Variants in IPO9 observed in about 807,000 individuals in gnomAD.
IPO9 encodes importin 9.
IPO9 carries 28 observed loss-of-function variants against 128.6 expected under a neutral mutation model. That is an observed-to-expected ratio of 0.22 (90% CI 0.16 to 0.30). IPO9 has a LOEUF of 0.30. Ranked by LOEUF, IPO9 falls within the 10% of genes least tolerant of loss-of-function variation. IPO9 has a pLI of 1.00. For synonymous variants in IPO9, 455 were observed against 475.8 expected (o/e 0.96, Z 0.57); for missense variants, 935 against 1,293.9 (o/e 0.72, Z 4.26).
At chr1:201,841,925 C>T (rs1680042915) in intron 1 of IPO9, among the ~76,000 whole-genome samples, 1 of 152,202 alleles carries the variant, frequency 6.6e-6, no homozygotes, top group African/African-American at 2.4e-5. Flanking sequence ...CTACAACAGT[C>T]AACACAGAAG....
chr1:201,853,533 A>G (rs755819892), intron 6 of IPO9, among the ~76,000 whole-genome samples: 9 of 148,496 alleles, frequency 6.1e-5, no homozygotes, highest in Non-Finnish European at 1.0e-4. Flanking sequence ...ACACTCAGCT[A>G]TATTTGTATT....
At chr1:201,866,110 C>T (rs2102886102) in intron 14 of IPO9, among the ~76,000 whole-genome samples, 1 of 152,270 alleles carries the variant, frequency 6.6e-6, no homozygotes, top group South Asian at 2.1e-4. Flanking sequence ...CCTGAAGTCT[C>T]CAGGGGAAAC....
chr1:201,861,120 T>G (rs1680437508), intron 13 of IPO9, among the ~76,000 whole-genome samples: 1 of 151,906 alleles, frequency 6.6e-6, no homozygotes, highest in South Asian at 2.1e-4. Context: ...GAGCCGAGAT[T>G]GTGCCAGTGC....
At chr1:201,840,017 C>T (rs1558216073) in intron 1 of IPO9, among the ~76,000 whole-genome samples, 1 of 152,164 alleles carries the variant, frequency 6.6e-6, no homozygotes, top group African/African-American at 2.4e-5. Context: ...TTTAAACTCA[C>T]TTGTGGTTAG....
At chr1:201,846,773 G>A (rs532143922) in intron 1 of IPO9, among the ~76,000 whole-genome samples, 2 of 152,148 alleles carry the variant, frequency 1.3e-5, no homozygotes, top group East Asian at 1.9e-4. Flanking sequence ...GGGTTCAAGC[G>A]ATTCTCCTGC....
chr1:201,876,133 C>CT lies in IPO9; in HGVS notation c.*82dup. 1.0e-6 allele frequency: 1 copy of CT among 955,030 alleles called. No individual in the cohort carries two copies. The highest frequency in any genetic ancestry group is 2.4e-5 in the East Asian group (1 of 41,934). 59.2% of individuals were successfully genotyped at this position (955,030 alleles called of 1,614,324 possible). ...CAGCCCTCACTGGCCTTGAGATGCA[C>CT]TTTCTTCTCAACCTAAAGTGGCATC... is the stretch of plus-strand genomic sequence containing the variant. On this transcript the variant is annotated 3_prime_UTR_variant, in exon 24 of 24. Coordinates refer to ENST00000361565, the MANE Select transcript of IPO9 (RefSeq NM_018085.5).
At chr1:201,848,718 T>C (rs1179047845) in intron 4 of IPO9, 124 bp downstream of exon 4, 15 of 904,860 alleles carry the variant, frequency 1.7e-5, no homozygotes, top group Non-Finnish European at 1.7e-5. Context: ...TCCTCCCTCC[T>C]AGTTTTTATC....
At chr1:201,857,891 A>G (rs1338631336) in intron 11 of IPO9, among the ~76,000 whole-genome samples, 4 of 152,076 alleles carry the variant, frequency 2.6e-5, no homozygotes, top group Admixed American at 2.0e-4. Context: ...AACAAAACAG[A>G]TTGCTGAAAG....
At position 201,876,252 on chromosome 1, in the gene IPO9, A is replaced by T. The variant is rs1680760597; in HGVS notation, c.*198A>T. 2 of 697,148 alleles carry T rather than the reference A, an allele frequency of 2.9e-6. No individual in the cohort carries two copies. Among genetic ancestry groups the T allele is most frequent in the Non-Finnish European group, 5.4e-6 (2 of 371,766 alleles). The allele number at this position is 697,148 out of a possible 1,614,324, so 43.2% of individuals were successfully genotyped here. ...ACTTAGGAATGCTGGAACAAAGGAC[A>T]TTTCTCAAAGTTCCCCTGAAGACAT... On this transcript the variant is annotated 3_prime_UTR_variant, in exon 24 of 24. Coordinates refer to ENST00000361565, the MANE Select transcript of IPO9 (RefSeq NM_018085.5).
rs940394922 is a variant in IPO9, at chr1:201,868,779, C to G, written c.1987C>G (p.Pro663Ala). ...AATGCAGGCCCCAGCAGACAAGATT[C>G]CTGCAGGGCTTTGTGCGGTAAGTGG... ...SIMQAPADKI[P>A]AGLCATAIDI... The change falls in exon 16 of 24, where the codon CCT becomes GCT. Residue 663 changes from proline (P) to alanine (A), a missense_variant. Physicochemically the swap from Pro to Ala is conservative, Grantham distance 27. Transcript: ENST00000361565. 2.5e-6 allele frequency: 4 copies of G among 1,611,866 alleles called. No homozygotes were observed. The highest frequency in any genetic ancestry group is 1.3e-5 in the African/African-American group (1 of 74,418).
At chr1:201,864,348 A>G (rs947060388) in intron 14 of IPO9, among the ~76,000 whole-genome samples, 2 of 152,338 alleles carry the variant, frequency 1.3e-5, no homozygotes, top group Admixed American at 6.5e-5. Flanking sequence ...TTCTGCTTCA[A>G]TCTAGGTGAA....
At chr1:201,860,276 T>C (rs1051764443) in intron 13 of IPO9, among the ~76,000 whole-genome samples, 1 of 152,266 alleles carries the variant, frequency 6.6e-6, no homozygotes, top group African/African-American at 2.4e-5. Flanking sequence ...TAATCTATTA[T>C]CGGGTGTCTC....
chr1:201,875,061 T>G (rs898550454), intron 22 of IPO9, 91 bp from the exon 23 acceptor site: 34 of 1,388,534 alleles, frequency 2.4e-5, no homozygotes, highest in Non-Finnish European at 3.4e-5. Context: ...CTTTTGCACC[T>G]TCCGCCTCAG....
chr1:201,863,736 G>C (rs2494115), intron 14 of IPO9, 129 bp downstream of exon 14: 248,574 of 809,922 alleles, frequency 0.31, 39,867 homozygotes, highest in Non-Finnish European at 0.34. Context: ...GTGAATGTTG[G>C]AAGGACAGGG....
intron 14 of IPO9, 148 bp from the exon 15 acceptor site, chr1:201,866,583 AAT>A: frequency 1.7e-6 from 1 of 604,200 alleles, no homozygotes; most frequent in Middle Eastern, 4.4e-4. Flanking sequence ...ATGTTTATAT[AAT>A]ACATCCAGAA....
intron 14 of IPO9, among the ~76,000 whole-genome samples, chr1:201,866,140 T>C (rs1225122668): frequency 6.6e-6 from 1 of 152,014 alleles, no homozygotes; most frequent in Non-Finnish European, 1.5e-5. Flanking sequence ...ACGAAAATAT[T>C]ATATATATAT....
At position 201,870,843 on chromosome 1, in the gene IPO9, G is replaced by C; in HGVS notation, c.2394G>C (p.Thr798=). The change falls in exon 18 of 24, where the codon ACG becomes ACC. Residue 798 remains threonine, a synonymous_variant. Coordinates refer to ENST00000361565, the MANE Select transcript of IPO9 (RefSeq NM_018085.5). This position sits in a 1 kb window ranked among gnomAD's most constrained non-coding sequence, Gnocchi z 4.9. The part of the protein sequence containing the change: ...AILSKMQQAE[T]LSVMQSLIMV... ...TCAGTAAGATGCAGCAGGCAGAGAC[G>C]CTCAGTGTCATGCAGGTAAGAGAGC... The C allele has an allele frequency of 6.2e-7, 1 of 1,612,374 alleles. No individual in the cohort carries two copies. The highest frequency in any genetic ancestry group is 8.5e-7 in the Non-Finnish European group (1 of 1,179,004).
At position 201,829,168 on chromosome 1, in the gene IPO9, G is replaced by A. The variant is rs951105779; in HGVS notation, c.-42G>A. On this transcript the variant is annotated 5_prime_UTR_variant, in exon 1 of 24. Coordinates refer to ENST00000361565, the MANE Select transcript of IPO9 (RefSeq NM_018085.5). ...CGCGCGCGGGGGCCGTCATTCGGTG[G>A]CGGGTCCCGGCCGCGGGGCTGGCGG... is the stretch of plus-strand genomic sequence containing the variant. 7.0e-7 allele frequency: 1 copy of A among 1,433,240 alleles called. No individual in the cohort carries two copies. The highest frequency in any genetic ancestry group is 1.5e-5 in the South Asian group (1 of 68,258). 88.8% of individuals were successfully genotyped at this position (1,433,240 alleles called of 1,614,324 possible).
chr1:201,831,369 C>T (rs1433438553), intron 1 of IPO9, among the ~76,000 whole-genome samples: 2 of 152,080 alleles, frequency 1.3e-5, no homozygotes, highest in African/African-American at 4.8e-5. Context: ...GAGCATATGA[C>T]TCAGGTTTTG....
Sources: gnomAD v4.1 joint callset for allele counts (sites outside exome capture counted in the v4.1 genomes callset) on GRCh38, gnomAD v4.1.1 for gene constraint, Gnocchi (gnomAD v3.1) non-coding constraint, MANE v1.5 for transcripts, NCBI Gene and HGNC (gene_info 2026-07-23, HGNC 2026-07-21) for gene names.